The following TAFA1 variants were observed in gnomAD, a reference collection of about 807,000 sequenced individuals.
TAFA1 encodes chemokine-like protein TAFA-1.
TAFA1 carries 4 observed loss-of-function variants against 18.5 expected under a neutral mutation model. That is an observed-to-expected ratio of 0.22 (90% CI 0.11 to 0.49). TAFA1 has a LOEUF of 0.49. Among genes scored for constraint, TAFA1 ranks in the 20% least tolerant of loss-of-function variants. The pLI is 0.98. For synonymous variants in TAFA1, 56 were observed against 55.2 expected (o/e 1.01, Z -0.06); for missense variants, 147 against 169.0 (o/e 0.87, Z 0.72).
the TAFA1 span, among the ~76,000 whole-genome samples, chr3:67,996,564 C>G: frequency 5.9e-5 from 9 of 152,000 alleles, no homozygotes; most frequent in Admixed American, 5.9e-4. Context: ...TTTGGGAAGC[C>G]AAGGTGGGCA....
At chr3:68,077,720 T>A (rs1300953742) in intron 2 of TAFA1, among the ~76,000 whole-genome samples, 1 of 151,954 alleles carries the variant, frequency 6.6e-6, no homozygotes, top group African/African-American at 2.4e-5. Context: ...AGCCTAGTAG[T>A]ATAGTTTGAA....
intron 2 of TAFA1, among the ~76,000 whole-genome samples, chr3:68,329,365 C>T (rs1319467737): frequency 6.6e-6 from 1 of 151,880 alleles, no homozygotes; most frequent in African/African-American, 2.4e-5. Flanking sequence ...AGCGCCCAGC[C>T]ACTTGTGACC....
chr3:68,093,815 G>A (rs1424644570), intron 2 of TAFA1, among the ~76,000 whole-genome samples: 5 of 151,994 alleles, frequency 3.3e-5, no homozygotes, highest in African/African-American at 1.2e-4. Context: ...CTTATCACCT[G>A]GAAGCATTCT....
chr3:68,492,769 C>T (rs2072476321), intron 3 of TAFA1, among the ~76,000 whole-genome samples: 3 of 151,920 alleles, frequency 2.0e-5, no homozygotes. Context: ...AAAAAAACTA[C>T]CGTGGGAAGA....
intron 3 of TAFA1, among the ~76,000 whole-genome samples, chr3:68,448,374 A>G (rs977729180): frequency 6.6e-6 from 1 of 152,234 alleles, no homozygotes; most frequent in Non-Finnish European, 1.5e-5. Context: ...ACAGTAAATA[A>G]CAAGATCCAT....
At chr3:68,272,213 G>A (rs1475468509) in intron 2 of TAFA1, among the ~76,000 whole-genome samples, 1 of 152,166 alleles carries the variant, frequency 6.6e-6, no homozygotes, top group African/African-American at 2.4e-5. Context: ...GTTAGCTTCT[G>A]TGTGCTGCTG....
intron 2 of TAFA1, among the ~76,000 whole-genome samples, chr3:68,167,541 C>T (rs1038621714): frequency 1.5e-5 from 2 of 136,198 alleles, no homozygotes; most frequent in Admixed American, 1.6e-4. Context: ...CAAGCCACTG[C>T]ATTCCAGCCT....
At chr3:67,994,654 T>C in the TAFA1 span, among the ~76,000 whole-genome samples, 5 of 152,208 alleles carry the variant, frequency 3.3e-5, no homozygotes, top group Non-Finnish European at 7.3e-5. Context: ...TCCTGACAGG[T>C]TGGTGGCTCT....
intron 2 of TAFA1, among the ~76,000 whole-genome samples, chr3:68,047,367 G>A (rs566389234): frequency 2.6e-5 from 4 of 152,226 alleles, no homozygotes; most frequent in East Asian, 1.9e-4. Flanking sequence ...TGAGAAAAAT[G>A]CATAAATTCA....
intron 1 of TAFA1, among the ~76,000 whole-genome samples, chr3:68,005,481 C>T (rs150985865): frequency 1.0e-3 from 152 of 152,306 alleles, no homozygotes; most frequent in Middle Eastern, 3.4e-3. Context: ...GCATTATGTG[C>T]ATACATATGA....
intron 2 of TAFA1, among the ~76,000 whole-genome samples, chr3:68,252,336 T>A (rs1020848595): frequency 6.6e-6 from 1 of 152,162 alleles, no homozygotes; most frequent in African/African-American, 2.4e-5. Flanking sequence ...TCAATTTCAT[T>A]TCTCCTCATT....
At chr3:67,997,366 G>A in the TAFA1 span, among the ~76,000 whole-genome samples, 5 of 152,186 alleles carry the variant, frequency 3.3e-5, no homozygotes, top group East Asian at 9.6e-4. Flanking sequence ...GAATCCAACA[G>A]CTAGTAAGAG....
intron 2 of TAFA1, among the ~76,000 whole-genome samples, chr3:68,138,064 A>G (rs1228622842): frequency 6.6e-6 from 1 of 152,130 alleles, no homozygotes; most frequent in Non-Finnish European, 1.5e-5. Context: ...GCCTAATGGA[A>G]TATATTTGTA....
chr3:68,050,559 CAT>C (rs2064456544), intron 2 of TAFA1, among the ~76,000 whole-genome samples: 1 of 152,106 alleles, frequency 6.6e-6, no homozygotes, highest in East Asian at 1.9e-4. Context: ...AAGTACCTGA[CAT>C]ATAGTAAGCC....
At chr3:68,389,010 G>T (rs1042391257) in intron 2 of TAFA1, among the ~76,000 whole-genome samples, 22 of 152,068 alleles carry the variant, frequency 1.4e-4, no homozygotes, top group Non-Finnish European at 2.8e-4. Flanking sequence ...CTCTGACCCT[G>T]GGTTAAAGGT....
chr3:67,991,973 T>A, the TAFA1 span, among the ~76,000 whole-genome samples: 48 of 152,216 alleles, frequency 3.2e-4, no homozygotes, highest in African/African-American at 1.1e-3. Context: ...TAAATATTTA[T>A]AGCTCTTGTC....
chr3:68,456,976 A>G (rs1291799822), intron 3 of TAFA1, among the ~76,000 whole-genome samples: 2 of 152,240 alleles, frequency 1.3e-5, no homozygotes, highest in Non-Finnish European at 2.9e-5. Context: ...TCCAAGGTTT[A>G]TGATACTGCG....
At chr3:68,537,308 T>A (rs534731053) in intron 3 of TAFA1, among the ~76,000 whole-genome samples, 4 of 152,268 alleles carry the variant, frequency 2.6e-5, no homozygotes, top group Non-Finnish European at 5.9e-5. Flanking sequence ...AATGTGTACA[T>A]GAGGGAGAAT....
intron 2 of TAFA1, among the ~76,000 whole-genome samples, chr3:68,077,790 G>A (rs994855938): frequency 3.3e-5 from 5 of 151,998 alleles, no homozygotes; most frequent in East Asian, 3.9e-4. Flanking sequence ...TTGGCGATGC[G>A]GGCTCTTTTT....
Sources: gnomAD v4.1 joint callset for allele counts (sites outside exome capture counted in the v4.1 genomes callset) on GRCh38, gnomAD v4.1.1 for gene constraint, MANE v1.5 for transcripts, NCBI Gene and HGNC (gene_info 2026-07-23, HGNC 2026-07-21) for gene names.